Variants in PTPRM observed in about 807,000 individuals in gnomAD.
The protein encoded by PTPRM is receptor-type tyrosine-protein phosphatase mu.
Under a neutral mutation model 186.7 loss-of-function variants are expected in PTPRM, and 47 were observed. That is an observed-to-expected ratio of 0.25 (90% CI 0.20 to 0.32). PTPRM has a LOEUF of 0.32. PTPRM is among the 10% of genes least tolerant of loss of function. The pLI is 1.00. For missense variants in PTPRM, 1,494 were observed against 1,865.0 expected (o/e 0.80, Z 3.66); for synonymous variants, 668 against 674.9 (o/e 0.99, Z 0.16).
chr18:8,300,839 C>T (rs1415385542), intron 20 of PTPRM, among the ~76,000 whole-genome samples: 1 of 152,194 alleles, frequency 6.6e-6, no homozygotes, highest in Non-Finnish European at 1.5e-5. Context: ...TTCCTCTCAC[C>T]TTCCATGGCG....
chr18:7,739,982 G>GTC (rs1315476199), intron 1 of PTPRM, among the ~76,000 whole-genome samples: 1 of 152,206 alleles, frequency 6.6e-6, no homozygotes, highest in Non-Finnish European at 1.5e-5. Flanking sequence ...GTCCATTACA[G>GTC]TCTCTGTTAG....
At chr18:7,781,111 G>A (rs1394294819) in intron 2 of PTPRM, among the ~76,000 whole-genome samples, 1 of 152,054 alleles carries the variant, frequency 6.6e-6, no homozygotes, top group Admixed American at 6.6e-5. Flanking sequence ...GAGGCAATTT[G>A]GTATGAATTC....
intron 14 of PTPRM, among the ~76,000 whole-genome samples, chr18:8,175,511 A>C (rs2093467753): frequency 6.6e-6 from 1 of 152,184 alleles, no homozygotes; most frequent in Non-Finnish European, 1.5e-5. Flanking sequence ...TTAATATGTC[A>C]ATGCTATAAT....
chr18:8,159,336 T>C (rs1480066883), intron 14 of PTPRM, among the ~76,000 whole-genome samples: 1 of 152,196 alleles, frequency 6.6e-6, no homozygotes, highest in Non-Finnish European at 1.5e-5. Flanking sequence ...TTCTTATCAT[T>C]GTTATATTCA....
intron 11 of PTPRM, among the ~76,000 whole-genome samples, 178 bp downstream of exon 11, chr18:8,089,029 G>A (rs658110): frequency 0.59 from 90,441 of 152,036 alleles, 27,121 homozygotes; most frequent in Non-Finnish European, 0.64. Context: ...TTGATGTAAG[G>A]TGATCAAGTA....
Position 8,076,461 on chromosome 18 carries a change from G to C in PTPRM, c.1448G>C (p.Gly483Ala). Residue 483 changes from glycine (G) to alanine (A), a missense_variant, in exon 9 of 33, where the codon GGT (glycine) becomes GCT (alanine). Physicochemically the swap from Gly to Ala is moderately conservative, Grantham distance 60. Coordinates refer to ENST00000580170, the MANE Select transcript of PTPRM (RefSeq NM_001105244.2). ...LIVQTDEDLP[G>A]AVPTESIQGS... is the part of the protein sequence containing the mutation. ...TCCTCCCACCCTCCTTTAGTCCCAG[G>C]TGCTGTTCCCACTGAATCCATACAA... 1 of 1,590,930 alleles carries C rather than the reference G, an allele frequency of 6.3e-7. No homozygotes were observed. The highest frequency in any genetic ancestry group is 8.6e-7 in the Non-Finnish European group (1 of 1,161,136).
chr18:7,920,767 T>A (rs1163559687), intron 4 of PTPRM, among the ~76,000 whole-genome samples: 1 of 152,238 alleles, frequency 6.6e-6, no homozygotes, highest in Non-Finnish European at 1.5e-5. Context: ...CCCTTTAGCC[T>A]TTCTTGTAAG....
At chr18:7,643,603 G>T (rs1245350438) in intron 1 of PTPRM, among the ~76,000 whole-genome samples, 1 of 152,168 alleles carries the variant, frequency 6.6e-6, no homozygotes, top group African/African-American at 2.4e-5. Context: ...GCCTCGCAAA[G>T]TGCTGGGATT....
intron 22 of PTPRM, among the ~76,000 whole-genome samples, chr18:8,332,336 C>T (rs2095416408): frequency 1.3e-5 from 2 of 152,018 alleles, no homozygotes; most frequent in South Asian, 4.1e-4. Context: ...TATTTAAAAC[C>T]TGTCCGTTAA....
At chr18:8,031,974 T>C (rs546996069) in intron 7 of PTPRM, among the ~76,000 whole-genome samples, 1 of 152,310 alleles carries the variant, frequency 6.6e-6, no homozygotes, top group South Asian at 2.1e-4. Context: ...TGCACAGTTA[T>C]TCAGTATTAG....
chr18:7,710,867 G>C (rs1339891771), intron 1 of PTPRM, among the ~76,000 whole-genome samples: 1 of 152,084 alleles, frequency 6.6e-6, no homozygotes, highest in East Asian at 1.9e-4. Context: ...TCTCTACAAG[G>C]AAAACTGCAA....
intron 2 of PTPRM, among the ~76,000 whole-genome samples, chr18:7,826,853 G>A (rs1162467813): frequency 6.6e-6 from 1 of 152,146 alleles, no homozygotes; most frequent in Non-Finnish European, 1.5e-5. Flanking sequence ...CAGCACTTTG[G>A]GAGGCCCAGA....
At chr18:7,892,998 A>G (rs764992645) in intron 3 of PTPRM, among the ~76,000 whole-genome samples, 156 of 152,188 alleles carry the variant, frequency 1.0e-3, no homozygotes, top group Non-Finnish European at 1.5e-3. Flanking sequence ...GGAGTACACA[A>G]ACATTCAGTT....
chr18:7,858,344 G>T (rs1323021505), intron 2 of PTPRM, among the ~76,000 whole-genome samples: 1 of 152,058 alleles, frequency 6.6e-6, no homozygotes, highest in African/African-American at 2.4e-5. Flanking sequence ...ATCACTTGAG[G>T]CTGGGAGTTC....
intron 7 of PTPRM, among the ~76,000 whole-genome samples, chr18:8,025,148 T>C (rs1450408573): frequency 6.6e-6 from 1 of 152,210 alleles, no homozygotes; most frequent in Non-Finnish European, 1.5e-5. Flanking sequence ...ATGTGCATTT[T>C]TTTAGATGAA....
At chr18:7,701,284 C>G (rs896126226) in intron 1 of PTPRM, among the ~76,000 whole-genome samples, 6 of 134,732 alleles carry the variant, frequency 4.5e-5, no homozygotes, top group Non-Finnish European at 7.8e-5. Flanking sequence ...AACTGGGAGA[C>G]AGAGCCAGAC....
intron 19 of PTPRM, among the ~76,000 whole-genome samples, chr18:8,268,445 C>T (rs1259584240): frequency 6.6e-6 from 1 of 152,004 alleles, no homozygotes; most frequent in Non-Finnish European, 1.5e-5. Context: ...CAAAAATCTC[C>T]CACAAAGAAA....
intron 19 of PTPRM, among the ~76,000 whole-genome samples, chr18:8,288,718 T>C (rs1240026917): frequency 6.6e-6 from 1 of 152,206 alleles, no homozygotes; most frequent in African/African-American, 2.4e-5. Context: ...TCTCAACTTA[T>C]TTCTGCTCCA....
At chr18:7,711,440 T>C (rs928445979) in intron 1 of PTPRM, among the ~76,000 whole-genome samples, 2 of 152,138 alleles carry the variant, frequency 1.3e-5, no homozygotes, top group African/African-American at 4.8e-5. Flanking sequence ...TGCAGGAATT[T>C]TTTTTCATGC....
Sources: gnomAD v4.1 joint callset for allele counts (sites outside exome capture counted in the v4.1 genomes callset) on GRCh38, gnomAD v4.1.1 for gene constraint, MANE v1.5 for transcripts, NCBI Gene and HGNC (gene_info 2026-07-23, HGNC 2026-07-21) for gene names.